ADSS2: variants seen among roughly 807,000 people sequenced by gnomAD.
The protein encoded by ADSS2 is adenylosuccinate synthetase isozyme 2.
ADSS2 carries 30 observed loss-of-function variants against 60.0 expected under a neutral mutation model. That is an observed-to-expected ratio of 0.50 (90% confidence interval 0.37 to 0.68). The LOEUF (loss-of-function observed/expected upper bound fraction) is 0.68, where lower values mean the gene tolerates loss of function less well. Among genes scored for constraint, ADSS2 ranks in the 30% least tolerant of loss-of-function variants. The probability of loss-of-function intolerance (pLI) is 0.00; values close to 1 mark genes in which losing one functional copy is unlikely to be tolerated. For missense variants in ADSS2, 373 were observed against 554.8 expected (o/e 0.67, Z 3.29); for synonymous variants, 187 against 193.1 (o/e 0.97, Z 0.26).
rs140210833 is a variant in ADSS2 at position 244,418,951 on chromosome 1, C to A, written c.791-37G>T. ...AACAGACATTAAAATATAGTAGACA[C>A]ATGAATAACACATTTTAAAACAGAA... On this transcript the variant is annotated intron_variant, in intron 8 of 12. Transcript: ENST00000366535. 3.1e-4 allele frequency: 464 copies of A among 1,499,182 alleles called. 1 individual carries two copies. Among genetic ancestry groups the A allele is most frequent in the Non-Finnish European group, 1.7e-4 (183 of 1,102,586 alleles). The allele number at this position is 1,499,182 out of a possible 1,614,324, so 92.9% of individuals were successfully genotyped here. A position where few individuals can be genotyped will look rare whatever the true frequency, so the allele number is the denominator to read the frequency against.
intron 1 of ADSS2, among the ~76,000 whole-genome samples, chr1:244,450,111 C>CCGCTGT (rs1458464928): frequency 5.9e-5 from 9 of 152,214 alleles, no homozygotes; most frequent in African/African-American, 2.2e-4. Flanking sequence ...AGCCTCTCTC[C>CCGCTGT]CGCTGTCGAC....
At position 244,409,293 on chromosome 1, in the gene ADSS2, A is replaced by G. The variant is rs1358626234; in HGVS notation, c.*293T>C. The G allele has an allele frequency of 3.8e-6, 1 of 266,016 alleles. No homozygotes were observed. The highest frequency in any genetic ancestry group is 2.2e-5 in the African/African-American group (1 of 45,274). 16.5% of individuals were successfully genotyped at this position (266,016 alleles called of 1,614,324 possible). A position where few individuals can be genotyped will look rare whatever the true frequency, so the allele number is the denominator to read the frequency against. ...TACATTAAAAGTAATTCTACTTTTG[A>G]TATCAAACAACATGGATTATACTAT... On this transcript the variant is annotated 3_prime_UTR_variant, in exon 13 of 13. Transcript: ENST00000366535.
At chr1:244,427,434 A>G (rs147490798) in intron 4 of ADSS2, among the ~76,000 whole-genome samples, 18 of 152,322 alleles carry the variant, frequency 1.2e-4, no homozygotes, top group African/African-American at 4.1e-4. Flanking sequence ...ACAAATAAAA[A>G]GAAAACGAAG....
intron 7 of ADSS2, among the ~76,000 whole-genome samples, chr1:244,421,707 G>GGTA (rs1664679058): frequency 6.6e-6 from 1 of 152,292 alleles, no homozygotes; most frequent in South Asian, 2.1e-4. Context: ...GACTGGGTAT[G>GGTA]GTAGCTCATG....
chr1:244,445,035 C>T (rs2148014883), intron 1 of ADSS2, among the ~76,000 whole-genome samples: 1 of 152,244 alleles, frequency 6.6e-6, no homozygotes, highest in South Asian at 2.1e-4. Context: ...CAGTCAGCTC[C>T]TCTCCCTTGG....
intron 4 of ADSS2, among the ~76,000 whole-genome samples, chr1:244,426,761 T>A (rs1203319086): frequency 3.3e-5 from 5 of 152,124 alleles, no homozygotes; most frequent in Non-Finnish European, 2.9e-5. Flanking sequence ...CCTGGCCACA[T>A]TATATACAAT....
At chr1:244,416,176 G>T in intron 10 of ADSS2, 98 bp from the exon 11 acceptor site, 1 of 799,192 alleles carries the variant, frequency 1.3e-6, no homozygotes, top group Non-Finnish European at 2.0e-6. Context: ...TTCATGCAAA[G>T]CTTAAAGTTC....
chr1:244,448,068 A>G (rs1220412181), intron 1 of ADSS2, among the ~76,000 whole-genome samples: 1 of 152,230 alleles, frequency 6.6e-6, no homozygotes, highest in Non-Finnish European at 1.5e-5. Context: ...AATGATATAA[A>G]AAGAATCAGA....
In ADSS2 at chr1:244,429,489, T is replaced by G. The variant is rs149817021; in HGVS notation, c.406+3056A>C. Among the ~76,000 whole-genome samples the G allele has an allele frequency of 3.6e-3, 547 of 152,340 alleles. 1 individual carries two copies. The highest frequency in any genetic ancestry group is 0.013 in the African/African-American group (525 of 41,580). On this transcript the variant is annotated intron_variant, in intron 4 of 12. Coordinates refer to ENST00000366535, the MANE Select transcript of ADSS2 (RefSeq NM_001126.5). ...ACAGCGGGAGTCTCTAAAGCAAAGA[T>G]CGAAGTGGTTTCACAGCAACGATTC...
At chr1:244,424,177 C>T (rs1191206803) in intron 5 of ADSS2, 117 bp from the exon 6 acceptor site, 6 of 1,182,332 alleles carry the variant, frequency 5.1e-6, no homozygotes, top group African/African-American at 3.1e-5. Context: ...TTATTTCTTG[C>T]TAAGTATATG....
At chr1:244,423,374 A>G (rs947789263) in intron 6 of ADSS2, among the ~76,000 whole-genome samples, 2 of 152,212 alleles carry the variant, frequency 1.3e-5, no homozygotes, top group Admixed American at 1.3e-4. Flanking sequence ...AAGGGGATAC[A>G]ATGTCATTAT....
chr1:244,419,830 T>C (rs1214938111), intron 8 of ADSS2, among the ~76,000 whole-genome samples: 1 of 152,212 alleles, frequency 6.6e-6, no homozygotes, highest in Non-Finnish European at 1.5e-5. Flanking sequence ...TTTTAAAAGG[T>C]TGAATTAAAG....
chr1:244,436,010 G>T (rs1356320286), intron 3 of ADSS2, among the ~76,000 whole-genome samples: 1 of 152,134 alleles, frequency 6.6e-6, no homozygotes, highest in East Asian at 1.9e-4. Context: ...GGGGGAATCT[G>T]GGCGTGCATG....
At chr1:244,446,657 A>C (rs1223947222) in intron 1 of ADSS2, among the ~76,000 whole-genome samples, 1 of 56,782 alleles carries the variant, frequency 1.8e-5, no homozygotes, top group Non-Finnish European at 3.5e-5. Flanking sequence ...TGCCTGAGAG[A>C]ATCTTAGGTT....
At chr1:244,418,962 C>T (rs945980024) in intron 8 of ADSS2, 48 bp from the exon 9 acceptor site, 4 of 1,451,594 alleles carry the variant, frequency 2.8e-6, no homozygotes, top group Non-Finnish European at 2.8e-6. Context: ...ATGAATAACA[C>T]ATTTTAAAAC....
chr1:244,421,393 AC>A (rs1664672496), intron 7 of ADSS2, among the ~76,000 whole-genome samples: 1 of 152,204 alleles, frequency 6.6e-6, no homozygotes, highest in South Asian at 2.1e-4. Context: ...GTGTGTTAAT[AC>A]CCACTGATAA....
At chr1:244,417,504 C>G in intron 10 of ADSS2, 124 bp downstream of exon 10, 1 of 1,194,804 alleles carries the variant, frequency 8.4e-7, no homozygotes, top group East Asian at 2.5e-5. Context: ...TTCTGCCTGG[C>G]ACTACAATTT....
intron 4 of ADSS2, among the ~76,000 whole-genome samples, chr1:244,428,122 T>C (rs1664849023): frequency 6.6e-6 from 1 of 152,194 alleles, no homozygotes. Flanking sequence ...AACAATTTGA[T>C]TTAATTGGCA....
At chr1:244,412,377 C>T (rs1160861467) in intron 11 of ADSS2, among the ~76,000 whole-genome samples, 1 of 152,154 alleles carries the variant, frequency 6.6e-6, no homozygotes, top group Non-Finnish European at 1.5e-5. Context: ...TCTAAGATAG[C>T]TGGCACCAGG....
Sources: gnomAD v4.1 joint callset for allele counts (sites outside exome capture counted in the v4.1 genomes callset) on GRCh38, gnomAD v4.1.1 for gene constraint, MANE v1.5 for transcripts, NCBI Gene and HGNC (gene_info 2026-07-23, HGNC 2026-07-21) for gene names.